PTP4A2: variants seen among roughly 807,000 people sequenced by gnomAD.
PTP4A2 encodes protein tyrosine phosphatase 4A2.
In PTP4A2, 2 loss-of-function variants were observed where a neutral mutation model predicts 22.9. The ratio of observed to expected loss-of-function variants is 0.09; its 90% CI spans 0.04 to 0.27. PTP4A2 has a LOEUF of 0.27. PTP4A2 is among the 10% of genes least tolerant of loss of function. The pLI, the probability that PTP4A2 is intolerant of heterozygous loss-of-function variation, is 1.00. For missense variants in PTP4A2, 103 were observed against 205.1 expected (o/e 0.50, Z 3.04); for synonymous variants, 68 against 69.1 (o/e 0.98, Z 0.08).
chr1:31,920,119 T>C (rs1652061973), intron 1 of PTP4A2, among the ~76,000 whole-genome samples: 1 of 92,594 alleles, frequency 1.1e-5, no homozygotes, highest in Admixed American at 1.4e-4. Flanking sequence ...AGAGCAAAAC[T>C]CTGCCTCAAA....
At chr1:31,936,462 C>T (rs758892412) in intron 1 of PTP4A2, among the ~76,000 whole-genome samples, 8 of 151,780 alleles carry the variant, frequency 5.3e-5, no homozygotes, top group Non-Finnish European at 8.8e-5. Context: ...TGAAAGACTA[C>T]CAACTTCTAT....
chr1:31,929,017 G>T (rs1652607178), intron 1 of PTP4A2, among the ~76,000 whole-genome samples: 1 of 152,178 alleles, frequency 6.6e-6, no homozygotes, highest in Non-Finnish European at 1.5e-5. Context: ...AGTGGTTTTA[G>T]ATGTGCATGT....
intron 3 of PTP4A2, chr1:31,915,535 ATTTT>A (rs33976935): frequency 8.4e-5 from 9 of 107,032 alleles, no homozygotes; most frequent in Admixed American, 2.2e-4. Context: ...CAAGTTTTTA[ATTTT>A]TTTTTTTTTT....
chr1:31,910,303 G>C, intron 4 of PTP4A2, 191 bp from the exon 5 acceptor site: 4 of 506,708 alleles, frequency 7.9e-6, no homozygotes, highest in Non-Finnish European at 1.4e-5. Context: ...TTTTGGCGGG[G>C]CAGGGGACAG....
chr1:31,929,777 AATTT>A (rs1652637283), intron 1 of PTP4A2, among the ~76,000 whole-genome samples: 1 of 152,236 alleles, frequency 6.6e-6, no homozygotes, highest in Non-Finnish European at 1.5e-5. Context: ...ATTAATAAAT[AATTT>A]AAGATTCTGA....
chr1:31,928,335 C>G (rs143302543), intron 1 of PTP4A2, among the ~76,000 whole-genome samples: 9 of 150,940 alleles, frequency 6.0e-5, no homozygotes, highest in African/African-American at 2.2e-4. Flanking sequence ...GGTATCAATT[C>G]AATTCTACAC....
intron 2 of PTP4A2, among the ~76,000 whole-genome samples, chr1:31,917,947 C>CAAA (rs56791050): frequency 3.7e-5 from 3 of 81,396 alleles, no homozygotes; most frequent in Admixed American, 1.3e-4. Flanking sequence ...CACTCCGTCT[C>CAAA]AAAAAAAAAA....
In PTP4A2 at chr1:31,911,747, C is replaced by G; in HGVS notation, c.269G>C (p.Arg90Pro). The change falls in exon 4 of 6, where the codon CGT becomes CCT. Residue 90 changes from arginine (R) to proline (P), a missense_variant. By Grantham distance (103) the Arg-to-Pro change is moderately radical. Coordinates refer to ENST00000647444, the MANE Select transcript of PTP4A2 (RefSeq NM_080391.4). ...DWLNLLKTKF[R>P]EEPGCCVAVH... Reference sequence around the variant, plus strand: ...TGCAACACAGCAACCTGGCTCTTCACGAAATTTGGTTTTTAACAGGTTTAA... The same window carrying G: ...TGCAACACAGCAACCTGGCTCTTCAGGAAATTTGGTTTTTAACAGGTTTAA... 6.2e-7 allele frequency: 1 copy of G among 1,606,722 alleles called. No individual in the cohort carries two copies.
At chr1:31,920,183 C>T (rs1652067171) in intron 1 of PTP4A2, among the ~76,000 whole-genome samples, 1 of 147,560 alleles carries the variant, frequency 6.8e-6, no homozygotes, top group African/African-American at 2.5e-5. Flanking sequence ...GTGGCTGATG[C>T]CTGTAATCCT....
intron 1 of PTP4A2, among the ~76,000 whole-genome samples, chr1:31,922,936 CTT>C (rs958616399): frequency 2.8e-5 from 4 of 144,822 alleles, no homozygotes; most frequent in Non-Finnish European, 3.1e-5. Context: ...TACTTTTTAT[CTT>C]TTTTTTTTTT....
In PTP4A2 at chr1:31,908,156, A is replaced by T. The variant is rs1651311672; in HGVS notation, c.*696T>A. ...TATATTATATTATATATATATATAT[A>T]TATATATATATATATATATATATAT... On this transcript the variant is annotated 3_prime_UTR_variant, in exon 6 of 6. Transcript: ENST00000647444. The T allele has an allele frequency of 3.3e-4, 1 of 3,032 alleles. No individual in the cohort carries two copies. Among genetic ancestry groups the T allele is most frequent in the African/African-American group, 1.5e-3 (1 of 674 alleles). 0.2% of individuals were successfully genotyped at this position (3,032 alleles called of 1,614,324 possible). A position where few individuals can be genotyped will look rare whatever the true frequency, so the allele number is the denominator to read the frequency against.
At chr1:31,922,267 T>C (rs922456563) in intron 1 of PTP4A2, among the ~76,000 whole-genome samples, 8 of 152,218 alleles carry the variant, frequency 5.3e-5, no homozygotes, top group African/African-American at 1.9e-4. Context: ...GCAGATCACC[T>C]GAGGTCAGGA....
intron 1 of PTP4A2, among the ~76,000 whole-genome samples, chr1:31,925,100 A>G (rs911416897): frequency 2.0e-5 from 3 of 152,194 alleles, no homozygotes; most frequent in Admixed American, 1.3e-4. Context: ...AAGAGATAAC[A>G]GTGGTTTCCT....
At chr1:31,918,028 T>C (rs1651944049) in intron 2 of PTP4A2, among the ~76,000 whole-genome samples, 2 of 148,584 alleles carry the variant, frequency 1.3e-5, no homozygotes, top group South Asian at 4.3e-4. Flanking sequence ...AGGTGACAGA[T>C]CACAAGGTCA....
At chr1:31,930,230 A>C (rs1432437325) in intron 1 of PTP4A2, among the ~76,000 whole-genome samples, 2 of 152,042 alleles carry the variant, frequency 1.3e-5, no homozygotes, top group African/African-American at 2.4e-5. Flanking sequence ...TCCAGCTACT[A>C]GGGAGGCTGA....
chr1:31,914,435 C>CTATGTCCTCATA (rs1553210393), intron 3 of PTP4A2: 3 of 364,108 alleles, frequency 8.2e-6, no homozygotes, highest in African/African-American at 4.3e-5. Flanking sequence ...CATGAGGAAA[C>CTATGTCCTCATA]TATGGATCAG....
chr1:31,914,924 C>T (rs998016201), intron 3 of PTP4A2, among the ~76,000 whole-genome samples: 2 of 152,180 alleles, frequency 1.3e-5, no homozygotes, highest in African/African-American at 4.8e-5. Flanking sequence ...GTATCAGAAA[C>T]TATGCTGATT....
At position 31,906,974 on chromosome 1, in the gene PTP4A2, T is replaced by C. The variant is rs1048644159; in HGVS notation, c.*1878A>G. ...ATAAAGAATTTTGGATATACCATTA[T>C]GTTTTAAAGTCCTAGAAACAATTTC... On this transcript the variant is annotated 3_prime_UTR_variant, in exon 6 of 6. Coordinates refer to ENST00000647444, the MANE Select transcript of PTP4A2 (RefSeq NM_080391.4). 1.3e-5 allele frequency: 2 copies of C among 152,260 alleles called. No homozygotes were observed. The highest frequency in any genetic ancestry group is 2.9e-5 in the Non-Finnish European group (2 of 68,046). 9.4% of individuals were successfully genotyped at this position (152,260 alleles called of 1,614,324 possible).
intron 1 of PTP4A2, among the ~76,000 whole-genome samples, chr1:31,928,655 C>T (rs1168334025): frequency 6.7e-6 from 1 of 148,242 alleles, no homozygotes; most frequent in East Asian, 2.0e-4. Flanking sequence ...CAAGATCGTG[C>T]CACTGTACTC....
Sources: allele counts gnomAD v4.1 joint callset (sites outside exome capture counted in the v4.1 genomes callset), GRCh38; gene constraint gnomAD v4.1.1; transcripts MANE v1.5; gene names NCBI Gene and HGNC (gene_info 2026-07-23, HGNC 2026-07-21).